The following LSP1 variants were observed in gnomAD, a reference collection of about 807,000 sequenced individuals.
LSP1 encodes lymphocyte specific protein 1, also known as lymphocyte-specific protein 1.
In LSP1, 32 loss-of-function variants were observed where a neutral mutation model predicts 49.3. The observed-to-expected ratio is 0.65, with a 90% CI of 0.49 to 0.87. The LOEUF (loss-of-function observed/expected upper bound fraction) is 0.87, where lower values mean the gene tolerates loss of function less well. LSP1 is among the 40% of genes least tolerant of loss of function. LSP1 has a pLI of 0.00. For synonymous variants in LSP1, 179 were observed against 178.8 expected, an observed-to-expected ratio of 1.00 and a Z score of -0.01; for missense variants, 428 against 442.6, an observed-to-expected ratio of 0.97 and a Z score of 0.30.
chr11:1,884,649 A>G lies in LSP1; in HGVS notation c.717+68A>G, dbSNP rs1282579589. 1.8e-5 allele frequency: 24 copies of G among 1,359,066 alleles called. No homozygotes were observed. In the South Asian group the frequency reaches 2.0e-4, roughly 11 times the overall value. The allele number at this position is 1,359,066 out of a possible 1,614,324, so 84.2% of individuals were successfully genotyped here. On this transcript the variant is annotated intron_variant, in intron 7 of 10. Coordinates refer to ENST00000311604, the MANE Select transcript of LSP1 (RefSeq NM_002339.3). This position sits in a 1 kb window ranked among gnomAD's most constrained non-coding sequence, Gnocchi z 4.1. ...CTGGCACCATTCCTTCATCCAACCA[A>G]CGCCCTTCCATCCAATCAGTGCCGC...
intron 1 of LSP1, among the ~76,000 whole-genome samples, chr11:1,858,019 G>T (rs1002403817): frequency 6.6e-6 from 1 of 152,184 alleles, no homozygotes; most frequent in Non-Finnish European, 1.5e-5. Context: ...GCCTCCCAAA[G>T]TCCTGGGATT....
chr11:1,867,345 CCACACCCACACACACACATG>C (rs1475642533), intron 1 of LSP1, among the ~76,000 whole-genome samples: 1 of 149,916 alleles, frequency 6.7e-6, no homozygotes, highest in African/African-American at 2.5e-5. Flanking sequence ...CACCCACCCA[CCACACCCACACACACACATG>C]CACACACACA....
intron 3 of LSP1, among the ~76,000 whole-genome samples, chr11:1,883,126 T>C (rs1373289422): frequency 6.6e-6 from 1 of 152,168 alleles, no homozygotes; most frequent in East Asian, 1.9e-4. Flanking sequence ...AAGCTGGGGA[T>C]TGAACCCAGC....
intron 1 of LSP1, among the ~76,000 whole-genome samples, chr11:1,871,671 C>G (rs926117212): frequency 6.6e-6 from 1 of 152,228 alleles, no homozygotes; most frequent in Non-Finnish European, 1.5e-5. Flanking sequence ...TGCACGGGCA[C>G]CCCTCCTGTT....
Sources: gnomAD v4.1 joint callset for allele counts (sites outside exome capture counted in the v4.1 genomes callset) on GRCh38, gnomAD v4.1.1 for gene constraint, Gnocchi (gnomAD v3.1) non-coding constraint, MANE v1.5 for transcripts, NCBI Gene and HGNC (gene_info 2026-07-23, HGNC 2026-07-21) for gene names.